Variants in CYLD observed in about 807,000 individuals in gnomAD.
CYLD encodes CYLD lysine 63 deubiquitinase.
Under a neutral mutation model 104.5 loss-of-function variants are expected in CYLD, and 26 were observed. The ratio of observed to expected loss-of-function variants is 0.25; its 90% CI spans 0.18 to 0.35. The LOEUF (loss-of-function observed/expected upper bound fraction) is 0.35, where lower values mean the gene tolerates loss of function less well. Among genes scored for constraint, CYLD ranks in the 10% least tolerant of loss-of-function variants. The pLI is 1.00. For missense variants in CYLD, 703 were observed against 1,136.1 expected (o/e 0.62, Z 5.48); for synonymous variants, 385 against 399.9 (o/e 0.96, Z 0.45).
chr16:50,755,092 T>C (rs1029316427), intron 5 of CYLD, among the ~76,000 whole-genome samples: 20 of 119,926 alleles, frequency 1.7e-4, no homozygotes, highest in South Asian at 7.7e-4. Flanking sequence ...CACACATATA[T>C]ACATACATAT....
chr16:50,776,314 A>T (rs746499691), intron 7 of CYLD, 37 bp downstream of exon 7: 1 of 1,356,218 alleles, frequency 7.4e-7, no homozygotes. Context: ...AGTAATTTGC[A>T]TAATGCCTAA....
chr16:50,791,474 C>T (rs1971425089), intron 14 of CYLD, 84 bp from the exon 15 acceptor site: 12 of 1,481,780 alleles, frequency 8.1e-6, no homozygotes, highest in Non-Finnish European at 1.1e-5. Flanking sequence ...TTTCTGTTCT[C>T]AAATACTGCT....
intron 5 of CYLD, among the ~76,000 whole-genome samples, chr16:50,762,341 T>G (rs1265551854): frequency 6.6e-6 from 1 of 152,230 alleles, no homozygotes. Flanking sequence ...CATTTAAGTG[T>G]GTTATTCACT....
At position 50,759,036 on chromosome 16, in the gene CYLD, C is replaced by T. The variant is rs186718915; in HGVS notation, c.913+4612C>T. 2.0e-3 allele frequency among the ~76,000 whole-genome samples: 303 copies of T among 152,136 alleles called. 4 individuals are homozygous for T. The highest frequency in any genetic ancestry group is 6.9e-3 in the African/African-American group (285 of 41,482). On this transcript the variant is annotated intron_variant, in intron 5 of 18. Transcript: ENST00000427738. Reference sequence around the variant, plus strand: ...GGCAGATCACGTGAGGTCAGGAGTTCGAGACCAGCTTGGCCAACATGGCGA... The same window carrying T: ...GGCAGATCACGTGAGGTCAGGAGTTTGAGACCAGCTTGGCCAACATGGCGA...
intron 16 of CYLD, among the ~76,000 whole-genome samples, 194 bp from the exon 17 acceptor site, chr16:50,793,352 T>C (rs1211055781): frequency 1.3e-5 from 2 of 152,164 alleles, no homozygotes; most frequent in Non-Finnish European, 2.9e-5. Context: ...AGAAAAACTA[T>C]TTGGTCCAAA....
chr16:50,758,900 TGTTTAATCC>T (rs1967584774), intron 5 of CYLD, among the ~76,000 whole-genome samples: 1 of 152,224 alleles, frequency 6.6e-6, no homozygotes, highest in Non-Finnish European at 1.5e-5. Flanking sequence ...TACGAATTCA[TGTTTAATCC>T]TTAAAAATGG....
At chr16:50,789,591 C>A (rs767617006) in intron 14 of CYLD, among the ~76,000 whole-genome samples, 2 of 152,068 alleles carry the variant, frequency 1.3e-5, no homozygotes, top group Non-Finnish European at 2.9e-5. Context: ...CTGCAAACAA[C>A]CTCTTCATAT....
At chr16:50,774,311 C>T (rs1444437342) in intron 5 of CYLD, among the ~76,000 whole-genome samples, 1 of 152,086 alleles carries the variant, frequency 6.6e-6, no homozygotes, top group African/African-American at 2.4e-5. Context: ...CATAAAAGAA[C>T]AGTGGTCTCC....
At chr16:50,763,780 T>A (rs895586322) in intron 5 of CYLD, among the ~76,000 whole-genome samples, 3 of 152,160 alleles carry the variant, frequency 2.0e-5, no homozygotes, top group Non-Finnish European at 4.4e-5. Flanking sequence ...CAATATTGAA[T>A]AGAAGTAGTG....
intron 5 of CYLD, among the ~76,000 whole-genome samples, chr16:50,774,391 G>A (rs4785451): frequency 0.57 from 86,200 of 151,920 alleles, 25,713 homozygotes; most frequent in African/African-American, 0.74. Flanking sequence ...TGAACCCTAC[G>A]TATACTGTGT....
Position 50,755,125 on chromosome 16 carries a change from A to ATATATACACACGTGTACATATGTGTG in CYLD, c.913+729_913+754dup, listed in dbSNP as rs1567427127. 1.1e-3 allele frequency among the ~76,000 whole-genome samples: 48 copies of ATATATACACACGTGTACATATGTGTG among 44,614 alleles called. 2 individuals are homozygous for ATATATACACACGTGTACATATGTGTG. The highest frequency in any genetic ancestry group is 1.4e-3 in the Non-Finnish European group (30 of 20,808). 29.3% of individuals were successfully genotyped at this position (44,614 alleles called of 152,430 possible). Reference sequence around the variant, plus strand: ...TATATACACACATATACACATGTGTATATATACACACGTGTACATATGTGT... The same window carrying ATATATACACACGTGTACATATGTGTG: ...TATATACACACATATACACATGTGTATATATACACACGTGTACATATGTGTGTATATACACACGTGTACATATGTGT... On this transcript the variant is annotated intron_variant, in intron 5 of 18. Coordinates refer to ENST00000427738, the MANE Select transcript of CYLD (RefSeq NM_001378743.1).
chr16:50,796,322 A>G lies in CYLD; in HGVS notation c.2687-2A>G. 1.2e-6 allele frequency: 2 copies of G among 1,614,096 alleles called. No homozygotes were observed. The highest frequency in any genetic ancestry group is 1.7e-6 in the Non-Finnish European group (2 of 1,179,936). ...ATAAAGAGTTCTTCCTCTGTGCCATAGGTGGTCAGAATGGCTTCAACATTC... is the reference window on the plus strand; with the variant it reads ...ATAAAGAGTTCTTCCTCTGTGCCATGGGTGGTCAGAATGGCTTCAACATTC... On this transcript the variant is annotated splice_acceptor_variant, in intron 18 of 18. Transcript: ENST00000427738. LOFTEE classifies it high-confidence loss of function.
chr16:50,756,289 G>A (rs901897066), intron 5 of CYLD, among the ~76,000 whole-genome samples: 2 of 152,168 alleles, frequency 1.3e-5, no homozygotes, highest in African/African-American at 2.4e-5. Flanking sequence ...GTAATAAACT[G>A]CTACCTGAGT....
chr16:50,755,910 G>A (rs983077268), intron 5 of CYLD, among the ~76,000 whole-genome samples: 42 of 151,992 alleles, frequency 2.8e-4, no homozygotes, highest in African/African-American at 1.0e-3. Flanking sequence ...TTGCTTTCGG[G>A]TTCTTGGTCA....
At chr16:50,766,638 C>T (rs1443859481) in intron 5 of CYLD, among the ~76,000 whole-genome samples, 1 of 152,130 alleles carries the variant, frequency 6.6e-6, no homozygotes, top group Non-Finnish European at 1.5e-5. Context: ...CCATCAAGAA[C>T]ATTCATGATT....
chr16:50,754,838 T>G (rs1039887394), intron 5 of CYLD, among the ~76,000 whole-genome samples: 4 of 151,302 alleles, frequency 2.6e-5, no homozygotes, highest in African/African-American at 4.9e-5. Context: ...CTGAGTAGTA[T>G]TCCATGGTGT....
At chr16:50,780,072 A>G (rs775210267) in intron 9 of CYLD, 28 bp downstream of exon 9, 12 of 1,612,740 alleles carry the variant, frequency 7.4e-6, no homozygotes, top group African/African-American at 1.3e-5. Flanking sequence ...AAAAATTTCA[A>G]TTTTTTTCTC....
Position 50,782,379 on chromosome 16 carries a change from A to G in CYLD, c.1739A>G (p.Glu580Gly). 6.2e-7 allele frequency: 1 copy of G among 1,613,810 alleles called. No individual in the cohort carries two copies. Among genetic ancestry groups the G allele is most frequent in the East Asian group, 2.2e-5 (1 of 44,882 alleles). ...VVEENTPPKM[E>G]KEGLEIMIGK... is the part of the protein sequence containing the mutation. ...GAAGAAAATACTCCACCAAAAATGG[A>G]AAAAGAAGGCTTGGAGATAATGATT... Residue 580 changes from glutamate to glycine, a missense_variant, in exon 11 of 19, where the codon GAA (glutamate) becomes GGA (glycine). Physicochemically the swap from Glu to Gly is moderately conservative, Grantham distance 98. This residue lies in a region of CYLD where 125 missense variants were observed against 325.4 expected (regional missense o/e 0.38). Coordinates refer to ENST00000427738, the MANE Select transcript of CYLD (RefSeq NM_001378743.1).
At chr16:50,768,948 A>G (rs1392287042) in intron 5 of CYLD, among the ~76,000 whole-genome samples, 1 of 152,136 alleles carries the variant, frequency 6.6e-6, no homozygotes, top group African/African-American at 2.4e-5. Flanking sequence ...ATTTTTAAGG[A>G]TTTTACAAAA....
Sources: gnomAD v4.1 joint callset for allele counts (sites outside exome capture counted in the v4.1 genomes callset) on GRCh38, gnomAD v4.1.1 for gene constraint, gnomAD v4.1.1 regional missense constraint, MANE v1.5 for transcripts, NCBI Gene and HGNC (gene_info 2026-07-23, HGNC 2026-07-21) for gene names.